Variants in SLC23A2 observed in about 807,000 individuals in gnomAD.
SLC23A2 encodes Na(+)/L-ascorbic acid transporter 2.
A neutral mutation model predicts 73.3 loss-of-function variants in SLC23A2; 36 were observed. The observed-to-expected ratio is 0.49, with a 90% confidence interval of 0.38 to 0.65. The LOEUF (loss-of-function observed/expected upper bound fraction) is 0.65, where lower values mean the gene tolerates loss of function less well. SLC23A2 is among the 30% of genes least tolerant of loss of function. The probability of loss-of-function intolerance (pLI) is 0.00; values close to 1 mark genes in which losing one functional copy is unlikely to be tolerated. For synonymous variants in SLC23A2, 343 were observed against 327.3 expected (o/e 1.05, Z -0.52); for missense variants, 507 against 841.6 (o/e 0.60, Z 4.92).
chr20:4,936,651 G>A (rs540107003), intron 2 of SLC23A2, among the ~76,000 whole-genome samples: 2 of 152,228 alleles, frequency 1.3e-5, no homozygotes, highest in South Asian at 4.2e-4. Context: ...GTTCATCTTG[G>A]TGTTCCAGAC....
intron 16 of SLC23A2, among the ~76,000 whole-genome samples, chr20:4,858,443 T>C (rs1297503461): frequency 6.6e-6 from 1 of 152,190 alleles, no homozygotes; most frequent in Non-Finnish European, 1.5e-5. Context: ...GAGTAGTCGT[T>C]ATGGACTCTT....
At chr20:4,983,935 A>G (rs1176078308) in intron 1 of SLC23A2, among the ~76,000 whole-genome samples, 4 of 151,922 alleles carry the variant, frequency 2.6e-5, no homozygotes, top group Admixed American at 6.6e-5. Context: ...CAGCCTGGGC[A>G]ACAAGAGTAA....
In SLC23A2 at chr20:4,866,513, T is replaced by C. The variant is rs566626074; in HGVS notation, c.1356+1257A>G. Among the ~76,000 whole-genome samples the C allele has an allele frequency of 4.9e-4, 74 of 152,280 alleles. 1 individual carries two copies. In the East Asian group the frequency reaches 9.1e-3, roughly 19 times the overall value. ...TCTCACCATGGGTAGCAAAAGGACC[T>C]CCAGGATGGCGCTAGAGGAAGCGCC... is the stretch of plus-strand genomic sequence containing the variant. On this transcript the variant is annotated intron_variant, in intron 13 of 16. Coordinates refer to ENST00000338244, the MANE Select transcript of SLC23A2 (RefSeq NM_005116.6).
chr20:4,874,175 A>G, intron 10 of SLC23A2, 83 bp from the exon 11 acceptor site: 1 of 1,357,860 alleles, frequency 7.4e-7, no homozygotes, highest in Non-Finnish European at 1.0e-6. Context: ...CGGTCGGAAT[A>G]TCACACCCCA....
rs16990301 is a variant in SLC23A2 at position 4,854,769 on chromosome 20, C to G, written c.*2203G>C. On this transcript the variant is annotated 3_prime_UTR_variant, in exon 17 of 17. Coordinates refer to ENST00000338244, the MANE Select transcript of SLC23A2 (RefSeq NM_005116.6). ...AGCAGACACCTTGAGTGTTATGCAG[C>G]GGAAGACGCCCAGTCAAGCTGAAGA... The G allele has an allele frequency of 2.8e-4, 42 of 152,240 alleles. No individual in the cohort carries two copies. The highest frequency in any genetic ancestry group is 7.9e-4 in the African/African-American group (33 of 41,538). The allele number at this position is 152,240 out of a possible 1,614,324, so 9.4% of individuals were successfully genotyped here. A position where few individuals can be genotyped will look rare whatever the true frequency, so the allele number is the denominator to read the frequency against.
In SLC23A2 at chr20:4,899,800, G is replaced by A. The variant is rs193062004; in HGVS notation, c.325-88C>T. ...ATCCTAATTCTTCTCTCTTATTGTCGTTAAAAAATAGCCCACATAAAGAAT... is the reference window on the plus strand; with the variant it reads ...ATCCTAATTCTTCTCTCTTATTGTCATTAAAAAATAGCCCACATAAAGAAT... On this transcript the variant is annotated intron_variant, in intron 5 of 16. Transcript: ENST00000338244. The surrounding 1 kb of genome is among the most constrained non-coding windows in gnomAD (Gnocchi z 4.9). 7.5e-4 allele frequency: 1,010 copies of A among 1,341,676 alleles called. 1 individual carries two copies. In the African/African-American group the frequency reaches 7.9e-3, roughly 10 times the overall value. 83.1% of individuals were successfully genotyped at this position (1,341,676 alleles called of 1,614,324 possible). A position where few individuals can be genotyped will look rare whatever the true frequency, so the allele number is the denominator to read the frequency against.
intron 1 of SLC23A2, among the ~76,000 whole-genome samples, chr20:5,008,876 T>A (rs1222741902): frequency 6.6e-6 from 1 of 152,084 alleles, no homozygotes; most frequent in Non-Finnish European, 1.5e-5. Context: ...CCTACCACCC[T>A]TGTCTTTGGA....
At chr20:4,985,646 C>T (rs2087813159) in intron 1 of SLC23A2, among the ~76,000 whole-genome samples, 1 of 152,252 alleles carries the variant, frequency 6.6e-6, no homozygotes, top group Middle Eastern at 3.4e-3. Context: ...CAGGGTTTCA[C>T]CATGTTGGTC....
At chr20:4,861,818 G>C in intron 15 of SLC23A2, 130 bp downstream of exon 15, 1 of 887,588 alleles carries the variant, frequency 1.1e-6, no homozygotes, top group Non-Finnish European at 1.8e-6. Context: ...AGATTCAAGA[G>C]AGATCCACAG....
chr20:4,862,636 T>G lies in SLC23A2; in HGVS notation c.1486+142A>C. The G allele has an allele frequency of 1.4e-6, 1 of 698,172 alleles. No individual in the cohort carries two copies. The highest frequency in any genetic ancestry group is 2.4e-6 in the Non-Finnish European group (1 of 424,774). 43.2% of individuals were successfully genotyped at this position (698,172 alleles called of 1,614,324 possible). A position where few individuals can be genotyped will look rare whatever the true frequency, so the allele number is the denominator to read the frequency against. ...TTCAACTCAGAGAGTGATAAAAGTT[T>G]TCATTTTTTGAAGGCATATCCTTTG... is the stretch of plus-strand genomic sequence containing the variant. On this transcript the variant is annotated intron_variant, in intron 14 of 16. Coordinates refer to ENST00000338244, the MANE Select transcript of SLC23A2 (RefSeq NM_005116.6). This position sits in a 1 kb window ranked among gnomAD's most constrained non-coding sequence, Gnocchi z 5.1.
chr20:4,859,459 A>G (rs1431845440), intron 15 of SLC23A2, 75 bp from the exon 16 acceptor site: 8 of 925,518 alleles, frequency 8.6e-6, no homozygotes, highest in Non-Finnish European at 1.5e-5. Context: ...GGAAGGGGCA[A>G]TGGTGTGGGC....
intron 6 of SLC23A2, among the ~76,000 whole-genome samples, chr20:4,890,177 T>G (rs1931277091): frequency 6.6e-6 from 1 of 152,190 alleles, no homozygotes; most frequent in Admixed American, 6.5e-5. Flanking sequence ...GCTTCCTTCA[T>G]CTACCAAGAC....
At chr20:4,993,656 AAAG>A (rs2087968759) in intron 1 of SLC23A2, among the ~76,000 whole-genome samples, 1 of 152,208 alleles carries the variant, frequency 6.6e-6, no homozygotes, top group Admixed American at 6.6e-5. Context: ...AAGAGACTTA[AAAG>A]AAGTGTCATG....
At chr20:4,869,758 T>C (rs949562945) in intron 12 of SLC23A2, 148 bp downstream of exon 12, 8 of 603,404 alleles carry the variant, frequency 1.3e-5, no homozygotes, top group Non-Finnish European at 5.8e-6. Context: ...TAAACAAAGG[T>C]GGTGATGCAT....
intron 3 of SLC23A2, among the ~76,000 whole-genome samples, chr20:4,913,321 C>T (rs1246628579): frequency 1.3e-5 from 2 of 152,068 alleles, no homozygotes; most frequent in Non-Finnish European, 1.5e-5. Context: ...CACCTGAGGC[C>T]GACTTCCTGC....
intron 4 of SLC23A2, among the ~76,000 whole-genome samples, chr20:4,906,350 G>C (rs1026798237): frequency 2.0e-5 from 3 of 151,412 alleles, no homozygotes; most frequent in Admixed American, 6.6e-5. Context: ...AAACAGAACA[G>C]GCTGGTAGCT....
At chr20:4,869,328 ACAAAC>A (rs1930334886) in intron 12 of SLC23A2, among the ~76,000 whole-genome samples, 1 of 144,406 alleles carries the variant, frequency 6.9e-6, no homozygotes, top group African/African-American at 2.6e-5. Context: ...TTAAAAACAA[ACAAAC>A]AAAAAAAAAA....
chr20:5,006,349 C>T (rs113437604), upstream of SLC23A2, among the ~76,000 whole-genome samples: 3,514 of 151,750 alleles, frequency 0.023, 132 homozygotes, highest in South Asian at 0.16. Flanking sequence ...CATCTGCCTC[C>T]GCCTCCCAAA....
At chr20:4,897,338 T>C (rs945007973) in intron 6 of SLC23A2, among the ~76,000 whole-genome samples, 4 of 152,178 alleles carry the variant, frequency 2.6e-5, no homozygotes, top group African/African-American at 7.2e-5. Flanking sequence ...ACCTGATTTA[T>C]GACTAAGCAA....
Sources: gnomAD v4.1 joint callset for allele counts (sites outside exome capture counted in the v4.1 genomes callset) on GRCh38, gnomAD v4.1.1 for gene constraint, Gnocchi (gnomAD v3.1) non-coding constraint, MANE v1.5 for transcripts, NCBI Gene and HGNC (gene_info 2026-07-23, HGNC 2026-07-21) for gene names.